Variants in ZFHX3 observed in about 807,000 individuals in gnomAD.
ZFHX3 encodes the protein zinc finger homeobox 3, also known as zinc finger homeobox protein 3.
In ZFHX3, 42 loss-of-function variants were observed where a neutral mutation model predicts 279.1. That is an observed-to-expected ratio of 0.15 (90% confidence interval 0.12 to 0.19). The LOEUF (loss-of-function observed/expected upper bound fraction) is 0.19, where lower values mean the gene tolerates loss of function less well. ZFHX3 is among the 10% of genes least tolerant of loss of function. The pLI, the probability that ZFHX3 is intolerant of heterozygous loss-of-function variation, is 1.00. For synonymous variants in ZFHX3, 2,293 were observed against 1,957.8 expected (o/e 1.17, Z -4.52); for missense variants, 4,981 against 4,754.0 (o/e 1.05, Z -1.40).
intron 2 of ZFHX3, among the ~76,000 whole-genome samples, chr16:73,652,910 C>T (rs1433579932): frequency 6.6e-6 from 1 of 151,674 alleles, no homozygotes; most frequent in African/African-American, 2.4e-5. Context: ...AACCAACAGC[C>T]CCAATTCTCC....
intron 2 of ZFHX3, among the ~76,000 whole-genome samples, chr16:73,640,984 G>A (rs1236791437): frequency 6.6e-6 from 1 of 152,194 alleles, no homozygotes; most frequent in Non-Finnish European, 1.5e-5. Flanking sequence ...GCCGGAACTA[G>A]AATGGCATCG....
intron 8 of ZFHX3, among the ~76,000 whole-genome samples, chr16:73,066,031 G>T (rs1471676083): frequency 6.6e-6 from 1 of 152,194 alleles, no homozygotes; most frequent in Non-Finnish European, 1.5e-5. Context: ...CGCACACTGG[G>T]CCTGGAGCGC....
At chr16:73,840,188 G>T (rs567759282) in intron 1 of ZFHX3, among the ~76,000 whole-genome samples, 2 of 152,252 alleles carry the variant, frequency 1.3e-5, no homozygotes, top group South Asian at 4.2e-4. Context: ...GGCTCTGAGG[G>T]GTGAGGATGA....
At chr16:73,503,945 G>C (rs1321666330) in intron 2 of ZFHX3, among the ~76,000 whole-genome samples, 1 of 152,152 alleles carries the variant, frequency 6.6e-6, no homozygotes, top group East Asian at 1.9e-4. Flanking sequence ...AAAAAATACT[G>C]TTTTGCTCTA....
At chr16:73,094,037 G>C (rs1431560491) in intron 7 of ZFHX3, among the ~76,000 whole-genome samples, 1 of 152,096 alleles carries the variant, frequency 6.6e-6, no homozygotes, top group Non-Finnish European at 1.5e-5. Context: ...ATGGGGTGAG[G>C]GAAAGTTGTG....
chr16:72,848,600 G>T (rs567611327), intron 4 of ZFHX3, among the ~76,000 whole-genome samples: 7 of 151,880 alleles, frequency 4.6e-5, no homozygotes, highest in South Asian at 2.1e-4. Flanking sequence ...CCCCTTCGGC[G>T]GCCTCCCAGG....
At position 72,959,629 on chromosome 16, in the gene ZFHX3, A is replaced by G. The variant is rs753742036; in HGVS notation, c.517T>C (p.Ser173Pro). The G allele has an allele frequency of 1.2e-6, 2 of 1,614,000 alleles. No individual in the cohort carries two copies. The highest frequency in any genetic ancestry group is 1.7e-6 in the Non-Finnish European group (2 of 1,180,008). Residue 173 changes from serine (S) to proline (P), a missense_variant, in exon 2 of 10, where the codon TCT becomes CCT. By Grantham distance (74) the Ser-to-Pro change is moderately conservative. Around this residue, in one of 7 missense-constraint regions of ZFHX3, gnomAD observed 1,068 missense variants for 935.2 expected, o/e 1.14. Transcript: ENST00000268489. ...SGPLPSLFLN[S>P]LPGAGGKQGD... Reference sequence around the variant, plus strand: ...TGCTTGCCCCCCGCGCCAGGGAGAGAGTTCAGGAAAAGCGAGGGGAGAGGC... The same window carrying G: ...TGCTTGCCCCCCGCGCCAGGGAGAGGGTTCAGGAAAAGCGAGGGGAGAGGC...
In ZFHX3 at chr16:73,403,418, A is replaced by C. The variant is rs564588957; in HGVS notation, c.-1291+52585T>G. Among the ~76,000 whole-genome samples the C allele has an allele frequency of 8.5e-5, 13 of 152,256 alleles. No individual in the cohort carries two copies. In the South Asian group the frequency reaches 2.7e-3, roughly 32 times the overall value. On this transcript the variant is annotated intron_variant, in intron 3 of 17. Transcript: ENST00000641206. ...AACATTAGCCCGCTTTGCGGTATGC[A>C]ATTGTGCATCTGCACGGGTGTGTGA...
chr16:73,637,620 T>G (rs1369792352), intron 2 of ZFHX3, among the ~76,000 whole-genome samples: 1 of 152,192 alleles, frequency 6.6e-6, no homozygotes. Context: ...GTAGCTATTA[T>G]GTTATTTTTT....
intron 2 of ZFHX3, among the ~76,000 whole-genome samples, chr16:73,495,129 G>C (rs551010085): frequency 6.6e-6 from 1 of 152,308 alleles, no homozygotes; most frequent in East Asian, 1.9e-4. Flanking sequence ...GTGATGGATT[G>C]ATACTTATGA....
chr16:72,893,210 C>T (rs1332850344), intron 3 of ZFHX3, among the ~76,000 whole-genome samples: 5 of 152,168 alleles, frequency 3.3e-5, no homozygotes, highest in East Asian at 1.9e-4. Flanking sequence ...CAAAGAAATA[C>T]GTTCCATCAA....
chr16:73,562,105 G>C (rs143612280), intron 2 of ZFHX3, among the ~76,000 whole-genome samples: 25 of 152,306 alleles, frequency 1.6e-4, no homozygotes, highest in African/African-American at 6.0e-4. Flanking sequence ...AGACAGTCTA[G>C]TCAATGTATC....
At chr16:73,270,825 T>A (rs2014123296) in intron 4 of ZFHX3, among the ~76,000 whole-genome samples, 1 of 152,156 alleles carries the variant, frequency 6.6e-6, no homozygotes, top group Non-Finnish European at 1.5e-5. Flanking sequence ...ACCCACTGCG[T>A]GCTGGGAGGT....
chr16:73,571,176 G>A (rs948844982), intron 2 of ZFHX3, among the ~76,000 whole-genome samples: 1 of 151,928 alleles, frequency 6.6e-6, no homozygotes, highest in Non-Finnish European at 1.5e-5. Context: ...TTGCTTTTCA[G>A]GGGAACAATT....
intron 2 of ZFHX3, among the ~76,000 whole-genome samples, chr16:73,674,508 A>G (rs1352321936): frequency 1.3e-5 from 2 of 152,264 alleles, no homozygotes; most frequent in African/African-American, 4.8e-5. Flanking sequence ...AACACTCAGC[A>G]TGAATTCCTT....
At chr16:73,107,801 G>A (rs112762313) in intron 7 of ZFHX3, among the ~76,000 whole-genome samples, 24 of 152,244 alleles carry the variant, frequency 1.6e-4, no homozygotes, top group African/African-American at 5.5e-4. Flanking sequence ...GGGTCGCTGA[G>A]CCTAGGAGTT....
chr16:72,847,827 G>A lies in ZFHX3; in HGVS notation c.3449-17968C>T, dbSNP rs754156509. On this transcript the variant is annotated intron_variant, in intron 4 of 9. Transcript: ENST00000268489. ...TGAATGGAACAGGAAGCAAACCAGG[G>A]CCAAACCCATCACGGCTTAAAGCAA... 3.6e-4 allele frequency among the ~76,000 whole-genome samples: 55 copies of A among 152,142 alleles called. 1 individual carries two copies. Among genetic ancestry groups the A allele is most frequent in the Admixed American group, 8.5e-4 (13 of 15,294 alleles).
At chr16:73,387,964 T>C (rs929643214) in intron 3 of ZFHX3, among the ~76,000 whole-genome samples, 10 of 151,688 alleles carry the variant, frequency 6.6e-5, no homozygotes, top group Non-Finnish European at 1.3e-4. Context: ...AAGCTGAAGA[T>C]GGAGAGAATG....
At chr16:73,473,364 A>C (rs28411007) in intron 2 of ZFHX3, among the ~76,000 whole-genome samples, 1 of 60,934 alleles carries the variant, frequency 1.6e-5, no homozygotes, top group African/African-American at 6.0e-5. Flanking sequence ...AAAACAAAAA[A>C]AAAAAAAACA....
Sources: allele counts gnomAD v4.1 joint callset (sites outside exome capture counted in the v4.1 genomes callset), GRCh38; gene constraint gnomAD v4.1.1; regional missense constraint gnomAD v4.1.1; transcripts MANE v1.5; gene names NCBI Gene and HGNC (gene_info 2026-07-23, HGNC 2026-07-21).